Variants in FRMPD3 observed in about 807,000 individuals in gnomAD.
FRMPD3 encodes the protein FERM and PDZ domain-containing protein 3.
FRMPD3 carries 42 observed loss-of-function variants against 97.9 expected under a neutral mutation model. The observed-to-expected ratio is 0.43, with a 90% CI of 0.34 to 0.55. The LOEUF (loss-of-function observed/expected upper bound fraction) is 0.55, where lower values mean the gene tolerates loss of function less well. Ranked by LOEUF, FRMPD3 falls within the 20% of genes least tolerant of loss-of-function variation. FRMPD3 has a pLI of 0.03. For synonymous variants in FRMPD3, 577 were observed against 581.1 expected (o/e 0.99, Z 0.10); for missense variants, 1,303 against 1,457.7 (o/e 0.89, Z 1.73).
intron 11 of FRMPD3, 101 bp downstream of exon 11, chrX:107,563,301 T>G: frequency 1.8e-5 from 10 of 563,378 alleles, no homozygotes; most frequent in East Asian, 3.6e-5. Flanking sequence ...AAGGCCTTCG[T>G]TCCTCTTCCT....
intron 8 of FRMPD3, among the ~76,000 whole-genome samples, chrX:107,556,558 A>T (rs1447313424): frequency 1.8e-5 from 2 of 111,788 alleles, no homozygotes; most frequent in African/African-American, 6.5e-5. Flanking sequence ...TGAAACCATC[A>T]CCACAATCAA....
At chrX:107,495,866 C>T (rs1040940307) in intron 1 of FRMPD3, among the ~76,000 whole-genome samples, 3 of 111,928 alleles carry the variant, frequency 2.7e-5, no homozygotes, top group African/African-American at 6.5e-5. Flanking sequence ...ATGACATCTG[C>T]CTAAAGTTTG....
chrX:107,451,153 T>G (rs1931281673), intron 1 of FRMPD3, among the ~76,000 whole-genome samples: 1 of 112,169 alleles, frequency 8.9e-6, no homozygotes, highest in Admixed American at 9.4e-5. Flanking sequence ...CGAATTCTGC[T>G]AGACCTGCCC....
intron 1 of FRMPD3, among the ~76,000 whole-genome samples, chrX:107,521,503 A>C (rs768130791): frequency 1.2e-4 from 14 of 112,865 alleles, no homozygotes; most frequent in African/African-American, 4.2e-4. Context: ...AATAAGGAGC[A>C]GCTAGCCAAA....
chrX:107,603,417 G>A lies in FRMPD3; in HGVS notation c.*44G>A. Reference sequence around the variant, plus strand: ...TCCCCCTTCCCCAACCATGGCCCCAGGTTTGAGCTTTGTGGTCCTTGCATC... The same window carrying A: ...TCCCCCTTCCCCAACCATGGCCCCAAGTTTGAGCTTTGTGGTCCTTGCATC... On this transcript the variant is annotated 3_prime_UTR_variant, in exon 15 of 15. Transcript: ENST00000683843. 8.9e-7 allele frequency: 1 copy of A among 1,118,735 alleles called. No homozygotes were observed. 92.2% of individuals were successfully genotyped at this position (1,118,735 alleles called of 1,213,427 possible). A position where few individuals can be genotyped will look rare whatever the true frequency, so the allele number is the denominator to read the frequency against.
intron 12 of FRMPD3, among the ~76,000 whole-genome samples, chrX:107,571,994 G>A (rs1057105696): frequency 6.2e-5 from 7 of 112,249 alleles, no homozygotes; most frequent in East Asian, 2.8e-4. Flanking sequence ...CTCTCTATAC[G>A]TTTTCCTCAA....
At chrX:107,575,473 C>T (rs1312814262) in intron 12 of FRMPD3, among the ~76,000 whole-genome samples, 13 of 105,940 alleles carry the variant, frequency 1.2e-4, no homozygotes, top group African/African-American at 3.8e-4. Flanking sequence ...TTTTTTTAGA[C>T]GAAGTCTCAC....
chrX:107,579,175 G>T (rs1357802995), intron 13 of FRMPD3, among the ~76,000 whole-genome samples: 1 of 111,895 alleles, frequency 8.9e-6, no homozygotes, highest in Non-Finnish European at 1.9e-5. Context: ...TTAGGTCCTG[G>T]TCTCTCAGAA....
At chrX:107,520,918 G>A (rs1922486825) in intron 1 of FRMPD3, among the ~76,000 whole-genome samples, 1 of 112,111 alleles carries the variant, frequency 8.9e-6, no homozygotes, top group African/African-American at 3.2e-5. Flanking sequence ...AGCACCTGGA[G>A]CATAGTAAGT....
chrX:107,602,737 T>C lies in FRMPD3; in HGVS notation c.4698T>C (p.Arg1566=). 1 of 1,209,604 alleles carries C rather than the reference T, an allele frequency of 8.3e-7. No individual in the cohort carries two copies. The highest frequency in any genetic ancestry group is 1.1e-6 in the Non-Finnish European group (1 of 895,129). ...EASRTQEIDL[R]VSTFEGSLAK... Reference sequence around the variant, plus strand: ...CCCGCACTCAGGAGATTGACCTCCGTGTGTCCACCTTCGAGGGGAGCCTGG... The same window carrying C: ...CCCGCACTCAGGAGATTGACCTCCGCGTGTCCACCTTCGAGGGGAGCCTGG... The change falls in exon 15 of 15, where the codon CGT becomes CGC. Residue 1566 remains arginine, a synonymous_variant. Transcript: ENST00000683843.
chrX:107,561,650 C>T (rs1922367469), intron 10 of FRMPD3, among the ~76,000 whole-genome samples: 1 of 112,282 alleles, frequency 8.9e-6, no homozygotes, highest in Non-Finnish European at 1.9e-5. Context: ...AGTGGTGAGA[C>T]GCACTAGAAT....
chrX:107,515,151 T>G (rs1391099896), intron 1 of FRMPD3, among the ~76,000 whole-genome samples: 1 of 111,329 alleles, frequency 9.0e-6, no homozygotes, highest in African/African-American at 3.3e-5. Context: ...GTTGTCTGAA[T>G]ATAGATTGTA....
chrX:107,528,221 C>T (rs1430336489), intron 2 of FRMPD3, among the ~76,000 whole-genome samples: 1 of 111,775 alleles, frequency 8.9e-6, no homozygotes, highest in Non-Finnish European at 1.9e-5. Context: ...CCAGGTGGCT[C>T]CTGAATGCAC....
chrX:107,530,599 C>T, intron 3 of FRMPD3, 88 bp downstream of exon 3: 1 of 657,597 alleles, frequency 1.5e-6, no homozygotes. Flanking sequence ...CCCCCTCGCT[C>T]TGAGAGCAGA....
chrX:107,538,906 G>A (rs1244565208), intron 4 of FRMPD3, among the ~76,000 whole-genome samples: 1 of 112,388 alleles, frequency 8.9e-6, no homozygotes, highest in Admixed American at 9.4e-5. Context: ...TAATCTGCCC[G>A]CCTTGGCCTC....
chrX:107,579,804 G>C (rs142126414), intron 13 of FRMPD3, among the ~76,000 whole-genome samples: 3 of 111,441 alleles, frequency 2.7e-5, no homozygotes, highest in African/African-American at 9.8e-5. Context: ...GGCCTCAGTT[G>C]GAGGAACTCA....
At chrX:107,589,088 TATC>T (rs1432913963) in intron 13 of FRMPD3, among the ~76,000 whole-genome samples, 1 of 111,904 alleles carries the variant, frequency 8.9e-6, no homozygotes, top group South Asian at 3.8e-4. Flanking sequence ...AATTCGTTCT[TATC>T]ATCCTCCATC....
chrX:107,492,275 C>T (rs1447455484), intron 1 of FRMPD3, among the ~76,000 whole-genome samples: 1 of 111,647 alleles, frequency 9.0e-6, no homozygotes, highest in Admixed American at 9.5e-5. Flanking sequence ...CAATTCACAG[C>T]CCTCGCATCC....
intron 12 of FRMPD3, among the ~76,000 whole-genome samples, chrX:107,575,291 C>T (rs765346486): frequency 2.1e-4 from 23 of 111,919 alleles, no homozygotes; most frequent in Middle Eastern, 4.6e-3. Context: ...CAGTGCACAA[C>T]TATATATTAA....
Sources: allele counts gnomAD v4.1 joint callset (sites outside exome capture counted in the v4.1 genomes callset), GRCh38; gene constraint gnomAD v4.1.1; transcripts MANE v1.5; gene names NCBI Gene and HGNC (gene_info 2026-07-23, HGNC 2026-07-21).